DYM: variants seen among roughly 807,000 people sequenced by gnomAD.
DYM encodes the protein dymeclin.
In DYM, 78 loss-of-function variants were observed where a neutral mutation model predicts 93.1. That is an observed-to-expected ratio of 0.84 (90% confidence interval 0.70 to 1.01). DYM has a LOEUF of 1.01. Ranked by LOEUF, DYM falls within the 50% of genes least tolerant of loss-of-function variation. The pLI, the probability that DYM is intolerant of heterozygous loss-of-function variation, is 0.00. For synonymous variants in DYM, 321 were observed against 319.7 expected, an observed-to-expected ratio of 1.00 and a Z score of -0.04; for missense variants, 789 against 845.0, an observed-to-expected ratio of 0.93 and a Z score of 0.82.
intron 15 of DYM, 66 bp from the exon 16 acceptor site, chr18:49,118,992 A>G: frequency 7.4e-7 from 1 of 1,346,406 alleles, no homozygotes; most frequent in Non-Finnish European, 1.1e-6. Context: ...ATTAATGAAA[A>G]TAAGAGTAAT....
At chr18:49,072,754 GAGAC>G (rs2076992074) in intron 17 of DYM, among the ~76,000 whole-genome samples, 1 of 152,182 alleles carries the variant, frequency 6.6e-6, no homozygotes, top group Admixed American at 6.5e-5. Flanking sequence ...TATCATTGCT[GAGAC>G]AGACAGCGCC....
intron 10 of DYM, among the ~76,000 whole-genome samples, chr18:49,280,470 C>T (rs991954406): frequency 2.6e-5 from 4 of 152,102 alleles, no homozygotes; most frequent in Admixed American, 6.5e-5. Flanking sequence ...GTAACATGAA[C>T]TTGGTGGGCG....
At chr18:49,049,909 T>C (rs1007442330) in intron 17 of DYM, 5 of 154,334 alleles carry the variant, frequency 3.2e-5, no homozygotes, top group African/African-American at 9.6e-5. Context: ...TTAAAGGCAC[T>C]GAGCTCATCT....
chr18:49,275,306 A>T (rs543053398), intron 10 of DYM, among the ~76,000 whole-genome samples: 1 of 152,264 alleles, frequency 6.6e-6, no homozygotes, highest in South Asian at 2.1e-4. Context: ...CTAGACTCTC[A>T]ATTCAACTCC....
chr18:49,131,106 T>C (rs1330706491), intron 15 of DYM, among the ~76,000 whole-genome samples: 1 of 152,176 alleles, frequency 6.6e-6, no homozygotes, highest in African/African-American at 2.4e-5. Flanking sequence ...GTGGTTATTA[T>C]AATACTTACC....
intron 13 of DYM, among the ~76,000 whole-genome samples, chr18:49,249,475 T>G (rs1221487536): frequency 3.3e-5 from 5 of 152,220 alleles, no homozygotes; most frequent in African/African-American, 4.8e-5. Context: ...CCATGAAAAC[T>G]TAATTCAGTG....
intron 1 of DYM, among the ~76,000 whole-genome samples, chr18:49,455,365 C>A (rs954204108): frequency 6.6e-6 from 1 of 152,216 alleles, no homozygotes; most frequent in African/African-American, 2.4e-5. Context: ...TTGTCCATCT[C>A]TAATTCTCAT....
intron 17 of DYM, among the ~76,000 whole-genome samples, chr18:49,048,926 G>A (rs760752943): frequency 2.6e-5 from 4 of 152,196 alleles, no homozygotes; most frequent in Non-Finnish European, 4.4e-5. Flanking sequence ...CAGCAACAGA[G>A]ATCTTTCCTC....
At chr18:49,328,494 A>G (rs954959210) in intron 8 of DYM, among the ~76,000 whole-genome samples, 62 of 152,168 alleles carry the variant, frequency 4.1e-4, no homozygotes, top group African/African-American at 1.2e-3. Flanking sequence ...AAGTGAACAG[A>G]CAACCTACAG....
intron 17 of DYM, among the ~76,000 whole-genome samples, chr18:49,059,292 T>C (rs2075756859): frequency 6.6e-6 from 1 of 152,222 alleles, no homozygotes; most frequent in South Asian, 2.1e-4. Flanking sequence ...CTTAGACTTC[T>C]CAGCCTCCAG....
At chr18:49,176,873 G>A (rs560109159) in intron 14 of DYM, among the ~76,000 whole-genome samples, 1 of 151,980 alleles carries the variant, frequency 6.6e-6, no homozygotes, top group African/African-American at 2.4e-5. Flanking sequence ...ACTAAACTAC[G>A]ATGAAAGTCT....
Position 49,378,615 on chromosome 18 carries a change from C to T in DYM, c.373G>A (p.Glu125Lys). ...TCATAAGTAAAATGAAGTTGTAATT[C>T]CTCCTCTGACATCTGACAGATGAAC... The part of the protein sequence containing the change: ...KVFICQMSEE[E>K]LQLHFTYEEK... Residue 125 changes from glutamate (E) to lysine (K), a missense_variant, in exon 5 of 18, where the codon GAA becomes AAA. Transcript: ENST00000675505. The T allele has an allele frequency of 6.2e-7, 1 of 1,612,694 alleles. No individual in the cohort carries two copies. Among genetic ancestry groups the T allele is most frequent in the East Asian group, 2.2e-5 (1 of 44,738 alleles).
chr18:49,183,909 C>T (rs2090172137), intron 14 of DYM, among the ~76,000 whole-genome samples: 1 of 152,130 alleles, frequency 6.6e-6, no homozygotes, highest in African/African-American at 2.4e-5. Context: ...TCTCTCTGTG[C>T]ACGTACTAAG....
At chr18:49,339,544 T>C (rs1228899555) in intron 6 of DYM, among the ~76,000 whole-genome samples, 1 of 152,046 alleles carries the variant, frequency 6.6e-6, no homozygotes, top group African/African-American at 2.4e-5. Flanking sequence ...AGGCCTCCAA[T>C]CAACAGCCAG....
intron 17 of DYM, among the ~76,000 whole-genome samples, chr18:49,091,702 A>C (rs893272901): frequency 1.3e-5 from 2 of 152,098 alleles, no homozygotes; most frequent in African/African-American, 4.8e-5. Context: ...TGCTATGAGG[A>C]TCACACTTTG....
chr18:49,231,945 G>A (rs2093707319), intron 13 of DYM, among the ~76,000 whole-genome samples: 1 of 152,120 alleles, frequency 6.6e-6, no homozygotes, highest in Admixed American at 6.6e-5. Flanking sequence ...ACACAGGTTG[G>A]AGACAAGAAA....
At chr18:49,261,657 C>A (rs1456978953) in intron 11 of DYM, among the ~76,000 whole-genome samples, 2 of 152,066 alleles carry the variant, frequency 1.3e-5, no homozygotes, top group Admixed American at 1.3e-4. Context: ...AAATAAATTC[C>A]ATAAGTTATA....
At chr18:49,095,310 G>A (rs1236606970) in intron 17 of DYM, among the ~76,000 whole-genome samples, 1 of 152,142 alleles carries the variant, frequency 6.6e-6, no homozygotes, top group Non-Finnish European at 1.5e-5. Context: ...AGGCTTGATT[G>A]TAAGGATAAA....
chr18:49,133,867 A>T (rs1345695294), intron 15 of DYM, among the ~76,000 whole-genome samples: 1 of 152,236 alleles, frequency 6.6e-6, no homozygotes, highest in Non-Finnish European at 1.5e-5. Flanking sequence ...ATGTAACTTA[A>T]CATACCTACA....
Sources: gnomAD v4.1 joint callset for allele counts (sites outside exome capture counted in the v4.1 genomes callset) on GRCh38, gnomAD v4.1.1 for gene constraint, MANE v1.5 for transcripts, NCBI Gene and HGNC (gene_info 2026-07-23, HGNC 2026-07-21) for gene names.